The following MINDY4 variants were observed in gnomAD, a reference collection of about 807,000 sequenced individuals.
The protein encoded by MINDY4 is probable ubiquitin carboxyl-terminal hydrolase MINDY-4.
In MINDY4, 68 loss-of-function variants were observed where a neutral mutation model predicts 87.0. The ratio of observed to expected loss-of-function variants is 0.78; its 90% CI spans 0.64 to 0.96. The LOEUF (loss-of-function observed/expected upper bound fraction) is 0.96. Ranked by LOEUF, MINDY4 falls within the 40% of genes least tolerant of loss-of-function variation. The pLI, the probability that MINDY4 is intolerant of heterozygous loss-of-function variation, is 0.00. For missense variants in MINDY4, 919 were observed against 928.2 expected, an observed-to-expected ratio of 0.99 and a Z score of 0.13; for synonymous variants, 379 against 363.2, an observed-to-expected ratio of 1.04 and a Z score of -0.50.
At chr7:30,854,020 A>G (rs768186012) in intron 12 of MINDY4, among the ~76,000 whole-genome samples, 2 of 152,154 alleles carry the variant, frequency 1.3e-5, no homozygotes, top group Admixed American at 6.5e-5. Context: ...ACTCCTGGCC[A>G]TGAGCTGGGC....
chr7:30,847,971 G>A lies in MINDY4; in HGVS notation c.1446-2483G>A, dbSNP rs1286914011. ...TGTTCTCAAACTCCTGGCCTCAAGC[G>A]ATCCTCCCACCTGGGGCTTCCCAAA... On this transcript the variant is annotated intron_variant, in intron 9 of 17. Coordinates refer to ENST00000265299, the MANE Select transcript of MINDY4 (RefSeq NM_032222.3). 2.0e-5 allele frequency among the ~76,000 whole-genome samples: 3 copies of A among 152,104 alleles called. No homozygotes were observed. The East Asian group carries it at 5.8e-4, about 29-fold the overall frequency.
At chr7:30,829,067 CTCAT>C (rs1457375428) in intron 6 of MINDY4, among the ~76,000 whole-genome samples, 1 of 152,116 alleles carries the variant, frequency 6.6e-6, no homozygotes, top group African/African-American at 2.4e-5. Flanking sequence ...GAAAACAGTT[CTCAT>C]TCAAAGTATC....
Position 30,880,268 on chromosome 7 carries a change from A to T in MINDY4, c.1972-1913A>T, listed in dbSNP as rs1443118823. Among the ~76,000 whole-genome samples the T allele has an allele frequency of 2.1e-5, 3 of 145,492 alleles. No individual in the cohort carries two copies. In the Admixed American group the frequency reaches 2.2e-4, roughly 10 times the overall value. On this transcript the variant is annotated intron_variant, in intron 15 of 17. Transcript: ENST00000265299. ...TGTTCCCCCACCAGGACAAAGTCCC[A>T]GACTGTGCTGTAGGAAATGTGGCCC...
intron 10 of MINDY4, among the ~76,000 whole-genome samples, chr7:30,851,653 G>A (rs1045139902): frequency 2.6e-5 from 4 of 152,194 alleles, no homozygotes; most frequent in Non-Finnish European, 5.9e-5. Context: ...AACAGATGGG[G>A]CAGGAATTCA....
In MINDY4 at chr7:30,771,575, C is replaced by T. The variant is rs766772215; in HGVS notation, c.63+19C>T. ...CAGAAAGGTAACGGCTCGCCCCCTC[C>T]AAAGCCCAGGAAGTGGCTCTAATTT... On this transcript the variant is annotated intron_variant, in intron 1 of 17. Transcript: ENST00000265299. The T allele has an allele frequency of 1.0e-5, 16 of 1,578,086 alleles. No homozygotes were observed. The highest frequency in any genetic ancestry group is 1.3e-5 in the African/African-American group (1 of 74,594).
chr7:30,822,243 T>C (rs1016683678), intron 5 of MINDY4, among the ~76,000 whole-genome samples: 4 of 151,876 alleles, frequency 2.6e-5, no homozygotes, highest in Non-Finnish European at 4.4e-5. Flanking sequence ...AGTGGTGTGA[T>C]CTTGGCTCAC....
chr7:30,874,425 C>T (rs1180370358), intron 14 of MINDY4, among the ~76,000 whole-genome samples: 2 of 152,202 alleles, frequency 1.3e-5, no homozygotes, highest in African/African-American at 4.8e-5. Flanking sequence ...CACCTGTGAG[C>T]CCCAGTTTCT....
chr7:30,813,354 C>T (rs1424611670), intron 5 of MINDY4, among the ~76,000 whole-genome samples: 2 of 152,206 alleles, frequency 1.3e-5, no homozygotes, highest in African/African-American at 4.8e-5. Flanking sequence ...ATCCCCAGGT[C>T]CTGAATTCTG....
At chr7:30,871,207 C>T (rs1790098311) in intron 13 of MINDY4, among the ~76,000 whole-genome samples, 1 of 152,208 alleles carries the variant, frequency 6.6e-6, no homozygotes, top group Admixed American at 6.5e-5. Context: ...TCACGTTGCC[C>T]CCCAGAGCCA....
rs150330447 is a variant in MINDY4, at chr7:30,827,332, G to T, written c.1074-1347G>T. ...GATGAAACAGTGACAGACGGGATAG[G>T]CAGGGTAGAACCGAGGTCCTCAGCC... is the stretch of plus-strand genomic sequence containing the variant. On this transcript the variant is annotated intron_variant, in intron 5 of 17. Coordinates refer to ENST00000265299, the MANE Select transcript of MINDY4 (RefSeq NM_032222.3). Among the ~76,000 whole-genome samples the T allele has an allele frequency of 6.5e-3, 995 of 152,294 alleles. 10 individuals are homozygous for T. The highest frequency in any genetic ancestry group is 0.017 in the Middle Eastern group (5 of 294).
At chr7:30,870,301 C>T (rs1228061268) in intron 13 of MINDY4, among the ~76,000 whole-genome samples, 1 of 152,116 alleles carries the variant, frequency 6.6e-6, no homozygotes, top group Non-Finnish European at 1.5e-5. Flanking sequence ...TGCTTATCGG[C>T]CCCCCCTCAG....
At chr7:30,795,378 C>G (rs1011485706) in intron 5 of MINDY4, among the ~76,000 whole-genome samples, 1 of 152,226 alleles carries the variant, frequency 6.6e-6, no homozygotes, top group Non-Finnish European at 1.5e-5. Context: ...TGCCACAGCA[C>G]TGACATCTAA....
At chr7:30,840,138 C>A (rs1375606079) in intron 8 of MINDY4, among the ~76,000 whole-genome samples, 1 of 152,180 alleles carries the variant, frequency 6.6e-6, no homozygotes, top group African/African-American at 2.4e-5. Context: ...TGTTCAGTCC[C>A]ACTAGCCTTT....
intron 5 of MINDY4, among the ~76,000 whole-genome samples, chr7:30,816,576 G>A (rs1316924990): frequency 6.6e-6 from 1 of 152,120 alleles, no homozygotes; most frequent in African/African-American, 2.4e-5. Flanking sequence ...GCTTTTCCAG[G>A]AGGATGCGGG....
At position 30,839,269 on chromosome 7, in the gene MINDY4, T is replaced by G. The variant is rs1336436850; in HGVS notation, c.1309T>G (p.Ser437Ala). Residue 437 changes from serine to alanine, a missense_variant, in exon 8 of 18, where the codon TCC becomes GCC. By Grantham distance (99) the Ser-to-Ala change is moderately conservative. Coordinates refer to ENST00000265299, the MANE Select transcript of MINDY4 (RefSeq NM_032222.3). ...FNEEWKLQSF[S>A]FSNTASLKYG... ...TGAAGAATGGAAACTTCAGAGTTTTTCCTTTAGTAACACAGCCTCATTAAA... is the reference window on the plus strand; with the variant it reads ...TGAAGAATGGAAACTTCAGAGTTTTGCCTTTAGTAACACAGCCTCATTAAA... 1.2e-6 allele frequency: 2 copies of G among 1,612,876 alleles called. No homozygotes were observed. The highest frequency in any genetic ancestry group is 1.7e-6 in the Non-Finnish European group (2 of 1,179,628).
chr7:30,847,362 C>T (rs1299958094), intron 9 of MINDY4, among the ~76,000 whole-genome samples: 1 of 152,130 alleles, frequency 6.6e-6, no homozygotes, highest in Non-Finnish European at 1.5e-5. Context: ...TAAGCAGAGC[C>T]TGTAGGATGA....
chr7:30,783,885 T>G (rs886750677), intron 3 of MINDY4, among the ~76,000 whole-genome samples: 1 of 152,198 alleles, frequency 6.6e-6, no homozygotes, highest in East Asian at 1.9e-4. Context: ...TAAGCTCTTT[T>G]AAAAATCTTA....
chr7:30,802,943 AACCC>A (rs1448862275), intron 5 of MINDY4: 2 of 151,636 alleles, frequency 1.3e-5, no homozygotes, highest in Non-Finnish European at 2.9e-5. Flanking sequence ...CCAACCAACC[AACCC>A]ACCCAACCAA....
At chr7:30,843,664 T>C (rs1789110997) in intron 9 of MINDY4, among the ~76,000 whole-genome samples, 1 of 146,500 alleles carries the variant, frequency 6.8e-6, no homozygotes, top group Non-Finnish European at 1.5e-5. Flanking sequence ...AGCCAGGCCT[T>C]AGAAGGCAAA....
Sources: allele counts gnomAD v4.1 joint callset (sites outside exome capture counted in the v4.1 genomes callset), GRCh38; gene constraint gnomAD v4.1.1; transcripts MANE v1.5; gene names NCBI Gene and HGNC (gene_info 2026-07-23, HGNC 2026-07-21).